PRKAA1: variants seen among roughly 807,000 people sequenced by gnomAD.
PRKAA1 encodes 5'-AMP-activated protein kinase catalytic subunit alpha-1.
In PRKAA1, 23 loss-of-function variants were observed where a neutral mutation model predicts 56.9. The observed-to-expected ratio is 0.40, with a 90% confidence interval of 0.29 to 0.57. The LOEUF is 0.57. Ranked by LOEUF, PRKAA1 falls within the 20% of genes least tolerant of loss-of-function variation. The probability of loss-of-function intolerance (pLI) is 0.39; values close to 1 mark genes in which losing one functional copy is unlikely to be tolerated. For synonymous variants in PRKAA1, 226 were observed against 227.0 expected, an observed-to-expected ratio of 1.00 and a Z score of 0.04; for missense variants, 413 against 679.7, an observed-to-expected ratio of 0.61 and a Z score of 4.36.
rs964789511 is a variant in PRKAA1 at position 40,762,458 on chromosome 5, G to A, written c.*320C>T. On this transcript the variant is annotated 3_prime_UTR_variant, in exon 9 of 9. Transcript: ENST00000397128. ...TATATAACACGTAATAATATATGAA[G>A]GCCTTTATGTAAATTAATATTTCAA... 1.8e-4 allele frequency: 42 copies of A among 232,496 alleles called. No homozygotes were observed. The highest frequency in any genetic ancestry group is 9.1e-4 in the African/African-American group (40 of 44,068). 14.4% of individuals were successfully genotyped at this position (232,496 alleles called of 1,614,324 possible).
intron 4 of PRKAA1, among the ~76,000 whole-genome samples, chr5:40,770,550 T>C (rs183915000): frequency 2.3e-4 from 34 of 150,898 alleles, no homozygotes; most frequent in Admixed American, 1.8e-3. Context: ...TTAGGTTTAG[T>C]AAGGTCAATG....
Position 40,760,295 on chromosome 5 carries a change from G to C in PRKAA1, c.*2483C>G, listed in dbSNP as rs1579702605. On this transcript the variant is annotated 3_prime_UTR_variant, in exon 9 of 9. Coordinates refer to ENST00000397128, the MANE Select transcript of PRKAA1 (RefSeq NM_006251.6). ...TGCATTTATCATACTATTTATAGAA[G>C]TGCAATATTTAAATATTTTCAAAAT... 6.6e-6 allele frequency: 1 copy of C among 152,598 alleles called. No homozygotes were observed. Among genetic ancestry groups the C allele is most frequent in the Admixed American group, 6.5e-5 (1 of 15,270 alleles). 9.5% of individuals were successfully genotyped at this position (152,598 alleles called of 1,614,324 possible). A position where few individuals can be genotyped will look rare whatever the true frequency, so the allele number is the denominator to read the frequency against.
intron 8 of PRKAA1, chr5:40,764,129 C>T (rs1402302861): frequency 6.4e-6 from 1 of 157,408 alleles, no homozygotes; most frequent in Non-Finnish European, 1.4e-5. Context: ...ATTGCCATAA[C>T]TTCATTCTTA....
At chr5:40,782,299 T>A (rs985919393) in intron 1 of PRKAA1, among the ~76,000 whole-genome samples, 2 of 152,200 alleles carry the variant, frequency 1.3e-5, no homozygotes, top group East Asian at 3.8e-4. Context: ...TCCTGTCATT[T>A]AATAAGGAAC....
intron 1 of PRKAA1, among the ~76,000 whole-genome samples, chr5:40,793,983 TC>T (rs1429215299): frequency 1.3e-5 from 2 of 151,818 alleles, no homozygotes; most frequent in Non-Finnish European, 2.9e-5. Flanking sequence ...ACGTCTGTAA[TC>T]CCAGCTACTA....
intron 1 of PRKAA1, among the ~76,000 whole-genome samples, chr5:40,791,071 T>C (rs1418738552): frequency 1.3e-5 from 2 of 152,278 alleles, no homozygotes; most frequent in East Asian, 3.9e-4. Flanking sequence ...CACTGTGCAG[T>C]GAGAGGGACA....
chr5:40,765,231 C>A lies in PRKAA1; in HGVS notation c.829G>T (p.Glu277Ter). ...RATIKDIREH[E>*]WFKQDLPKYL... ...TTTGGAAGGTCCTGTTTAAACCATTCATGTTCCCTGAGAGAAAAATGGCAG... is the reference window on the plus strand; with the variant it reads ...TTTGGAAGGTCCTGTTTAAACCATTAATGTTCCCTGAGAGAAAAATGGCAG... The change falls in exon 7 of 9, where the codon GAA becomes TAA. Residue 277 changes from glutamate (E) to a stop codon, truncating the protein, a stop_gained. Coordinates refer to ENST00000397128, the MANE Select transcript of PRKAA1 (RefSeq NM_006251.6). LOFTEE classifies it high-confidence loss of function. 1 of 1,605,622 alleles carries A rather than the reference C, an allele frequency of 6.2e-7. No homozygotes were observed. The highest frequency in any genetic ancestry group is 1.1e-5 in the South Asian group (1 of 89,708).
In PRKAA1 at chr5:40,776,326, T is replaced by C. The variant is rs566966293; in HGVS notation, c.270-823A>G. On this transcript the variant is annotated intron_variant, in intron 2 of 8. Coordinates refer to ENST00000397128, the MANE Select transcript of PRKAA1 (RefSeq NM_006251.6). ...GGTCATTGGCTGTTAGCCAAGATGG[T>C]GAAAACTGTGGGAAGAGCAGGTTTG... Among the ~76,000 whole-genome samples the C allele has an allele frequency of 1.9e-4, 29 of 152,342 alleles. No homozygotes were observed. In the East Asian group the frequency reaches 5.4e-3, roughly 28 times the overall value.
intron 5 of PRKAA1, chr5:40,769,008 A>C: frequency 1.9e-6 from 2 of 1,080,166 alleles, no homozygotes; most frequent in Non-Finnish European, 2.7e-6. Flanking sequence ...GTTCCCCAAG[A>C]CATTTTATCA....
chr5:40,764,449 T>C (rs1317663371), intron 8 of PRKAA1, 65 bp downstream of exon 8: 7 of 1,453,332 alleles, frequency 4.8e-6, no homozygotes, highest in Non-Finnish European at 6.5e-6. Context: ...CTCAAAAGAA[T>C]CAAGGCGTAA....
intron 1 of PRKAA1, among the ~76,000 whole-genome samples, chr5:40,796,168 T>C (rs1353704887): frequency 6.6e-6 from 1 of 151,806 alleles, no homozygotes; most frequent in African/African-American, 2.4e-5. Flanking sequence ...AATATGAAAT[T>C]AGCCGGGTGT....
At chr5:40,767,129 C>T (rs1163044048) in intron 6 of PRKAA1, among the ~76,000 whole-genome samples, 1 of 152,124 alleles carries the variant, frequency 6.6e-6, no homozygotes, top group Non-Finnish European at 1.5e-5. Flanking sequence ...CCTCAGCTTC[C>T]CAAAGTGCTG....
chr5:40,780,147 T>G (rs2112054427), intron 1 of PRKAA1, among the ~76,000 whole-genome samples: 1 of 152,298 alleles, frequency 6.6e-6, no homozygotes, highest in East Asian at 1.9e-4. Context: ...GTCTAAATAT[T>G]TTGTAAGTAT....
In PRKAA1 at chr5:40,761,489, G is replaced by C. The variant is rs1226237165; in HGVS notation, c.*1289C>G. On this transcript the variant is annotated 3_prime_UTR_variant, in exon 9 of 9. Transcript: ENST00000397128. ...AACTAGCTGTATCTATACATATATA[G>C]GTATAGAGAAAACAAATGACAAAAC... is the stretch of plus-strand genomic sequence containing the variant. 1 of 151,946 alleles carries C rather than the reference G, an allele frequency of 6.6e-6. No individual in the cohort carries two copies. Among genetic ancestry groups the C allele is most frequent in the African/African-American group, 2.4e-5 (1 of 41,368 alleles). The allele number at this position is 151,946 out of a possible 1,614,324, so 9.4% of individuals were successfully genotyped here.
intron 1 of PRKAA1, among the ~76,000 whole-genome samples, chr5:40,797,646 G>A (rs1744986828): frequency 6.6e-6 from 1 of 152,240 alleles, no homozygotes; most frequent in African/African-American, 2.4e-5. Context: ...GACCGCCAAG[G>A]AAGCGATGGG....
At chr5:40,783,196 T>C (rs942926349) in intron 1 of PRKAA1, among the ~76,000 whole-genome samples, 3 of 152,154 alleles carry the variant, frequency 2.0e-5, no homozygotes, top group Non-Finnish European at 2.9e-5. Flanking sequence ...TGTGCATAAA[T>C]ATGTTCATTA....
At chr5:40,782,527 T>C (rs896563569) in intron 1 of PRKAA1, among the ~76,000 whole-genome samples, 1 of 152,084 alleles carries the variant, frequency 6.6e-6, no homozygotes, top group Non-Finnish European at 1.5e-5. Flanking sequence ...AAAAAATGAA[T>C]AGACATTAAA....
chr5:40,766,464 A>T (rs1579714454), intron 6 of PRKAA1, among the ~76,000 whole-genome samples: 1 of 152,196 alleles, frequency 6.6e-6, no homozygotes, highest in African/African-American at 2.4e-5. Flanking sequence ...GCTCACTCTA[A>T]TTTGAGAAGA....
intron 1 of PRKAA1, among the ~76,000 whole-genome samples, chr5:40,781,475 A>G (rs1221165476): frequency 6.6e-6 from 1 of 152,180 alleles, no homozygotes; most frequent in East Asian, 1.9e-4. Context: ...CAAAATGGTG[A>G]AGCAAAGTCA....
Sources: gnomAD v4.1 joint callset for allele counts (sites outside exome capture counted in the v4.1 genomes callset) on GRCh38, gnomAD v4.1.1 for gene constraint, MANE v1.5 for transcripts, NCBI Gene and HGNC (gene_info 2026-07-23, HGNC 2026-07-21) for gene names.